PLAGL1: variants seen among roughly 807,000 people sequenced by gnomAD.
PLAGL1 encodes zinc finger protein PLAGL1.
In PLAGL1, 1 loss-of-function variant was observed where a neutral mutation model predicts 4.6. The observed-to-expected ratio is 0.22, with a 90% CI of 0.08 to 1.03. The LOEUF is 1.03. Among genes scored for constraint, PLAGL1 ranks in the 50% least tolerant of loss-of-function variants. The pLI, the probability that PLAGL1 is intolerant of heterozygous loss-of-function variation, is 0.58. For synonymous variants in PLAGL1, 240 were observed against 237.8 expected (o/e 1.01, Z -0.08); for missense variants, 464 against 570.4 (o/e 0.81, Z 1.90).
rs948352065 is a variant in PLAGL1 at position 144,036,188 on chromosome 6, A to C, written c.-151+28280T>G. On this transcript the variant is annotated intron_variant, in intron 1 of 3. Transcript: ENST00000437412. This position sits in a 1 kb window ranked among gnomAD's most constrained non-coding sequence, Gnocchi z 5.1. The stretch of plus-strand genomic sequence containing the variant: ...ACTAATGCTTAGGGGCCTGAGGAGA[A>C]GTCTTTTATGCCCAGAAATGACAAC... Among the ~76,000 whole-genome samples the C allele has an allele frequency of 5.9e-5, 9 of 152,206 alleles. No individual in the cohort carries two copies. The highest frequency in any genetic ancestry group is 2.2e-4 in the African/African-American group (9 of 41,454).
Position 143,984,042 on chromosome 6 carries a change from T to C in PLAGL1, c.-544+1093A>G, listed in dbSNP as rs1788512749. On this transcript the variant is annotated intron_variant, in intron 2 of 7. Coordinates refer to ENST00000674357, the MANE Select transcript of PLAGL1 (RefSeq NM_001317162.2). The surrounding 1 kb of genome is among the most constrained non-coding windows in gnomAD (Gnocchi z 5.5). ...ATCTTCAAGGAATAAGGAACAATGA[T>C]GTATTTTTACTTTCCAGATTTTAAA... 6.6e-6 allele frequency among the ~76,000 whole-genome samples: 1 copy of C among 152,154 alleles called. No homozygotes were observed. Among genetic ancestry groups the C allele is most frequent in the Admixed American group, 6.6e-5 (1 of 15,264 alleles).
At chr6:143,987,861 T>C (rs991096904) in intron 1 of PLAGL1, among the ~76,000 whole-genome samples, 12 of 152,196 alleles carry the variant, frequency 7.9e-5, no homozygotes, top group Non-Finnish European at 1.8e-4. Context: ...AAAATAGATG[T>C]CAACGTTCTA....
chr6:144,009,034 T>C (rs1176088437), upstream of PLAGL1, among the ~76,000 whole-genome samples: 1 of 152,190 alleles, frequency 6.6e-6, no homozygotes, highest in Non-Finnish European at 1.5e-5. Context: ...ACGTGCTTTT[T>C]AAAAGGCCTA....
Position 143,972,589 on chromosome 6 carries a change from A to T in PLAGL1, c.-543-3611T>A, listed in dbSNP as rs1785639930. On this transcript the variant is annotated intron_variant, in intron 2 of 7. Transcript: ENST00000674357. The surrounding 1 kb of genome is among the most constrained non-coding windows in gnomAD (Gnocchi z 6.8). ...AATATCCCAAGAATATAAATATTTT[A>T]AAATAAATATATTATTGTAATATTC... 6.6e-6 allele frequency among the ~76,000 whole-genome samples: 1 copy of T among 152,182 alleles called. No individual in the cohort carries two copies. The highest frequency in any genetic ancestry group is 1.5e-5 in the Non-Finnish European group (1 of 68,038).
chr6:144,018,734 T>A (rs576502296), intron 1 of PLAGL1, among the ~76,000 whole-genome samples: 1 of 152,364 alleles, frequency 6.6e-6, no homozygotes, highest in African/African-American at 2.4e-5. Flanking sequence ...AAAAAGTTAA[T>A]ATCACCAGTA....
At chr6:144,030,327 G>C (rs1414481109) in intron 1 of PLAGL1, among the ~76,000 whole-genome samples, 1 of 148,832 alleles carries the variant, frequency 6.7e-6, no homozygotes, top group African/African-American at 2.5e-5. Flanking sequence ...TCATATAATG[G>C]AATAAGGTAC....
rs959090250 is a variant in PLAGL1, at chr6:143,958,352, C to T, written c.-325+2117G>A. ...TGAACCCAAGACCAAATCGGATTACCCTAGACACAAATTTGATGGGCAGTT... is the reference window on the plus strand; with the variant it reads ...TGAACCCAAGACCAAATCGGATTACTCTAGACACAAATTTGATGGGCAGTT... On this transcript the variant is annotated intron_variant, in intron 6 of 7. Transcript: ENST00000674357. The surrounding 1 kb of genome is among the most constrained non-coding windows in gnomAD (Gnocchi z 5.1). Among the ~76,000 whole-genome samples, 2 of 152,160 alleles carry T rather than the reference C, an allele frequency of 1.3e-5. No homozygotes were observed. The highest frequency in any genetic ancestry group is 2.9e-5 in the Non-Finnish European group (2 of 68,044).
At chr6:143,977,359 C>A (rs1786827037) in intron 2 of PLAGL1, among the ~76,000 whole-genome samples, 1 of 151,018 alleles carries the variant, frequency 6.6e-6, no homozygotes, top group African/African-American at 2.4e-5. Flanking sequence ...AGTATGCAGC[C>A]TTTTGAGACT....
Position 144,004,873 on chromosome 6 carries a change from GA to G in PLAGL1, c.-584+3216del, listed in dbSNP as rs1216023131. The G allele has an allele frequency of 6.6e-6, 1 of 151,448 alleles. No homozygotes were observed. Among genetic ancestry groups the G allele is most frequent in the African/African-American group, 2.4e-5 (1 of 41,316 alleles). The allele number at this position is 151,448 out of a possible 1,614,324, so 9.4% of individuals were successfully genotyped here. On this transcript the variant is annotated intron_variant, in intron 1 of 7. Coordinates refer to ENST00000674357, the MANE Select transcript of PLAGL1 (RefSeq NM_001317162.2). The surrounding 1 kb of genome is among the most constrained non-coding windows in gnomAD (Gnocchi z 4.2). ...TAGGACAAAAATGTGTGAAAATAAAGAGATAAAAGACAAAACTTTCCTGAAT... is the reference window on the plus strand; with the variant it reads ...TAGGACAAAAATGTGTGAAAATAAAGGATAAAAGACAAAACTTTCCTGAAT...
rs1050234545 is a variant in PLAGL1, at chr6:143,983,684, A to C, written c.-544+1451T>G. Reference sequence around the variant, plus strand: ...AGTGATTTTAATGAGAGGGTAGGCTATTGACGTTGAGTAAGGGAGGATGTG... The same window carrying C: ...AGTGATTTTAATGAGAGGGTAGGCTCTTGACGTTGAGTAAGGGAGGATGTG... On this transcript the variant is annotated intron_variant, in intron 2 of 7. Transcript: ENST00000674357. The surrounding 1 kb of genome is among the most constrained non-coding windows in gnomAD (Gnocchi z 6.6). Among the ~76,000 whole-genome samples the C allele has an allele frequency of 6.6e-6, 1 of 152,118 alleles. No individual in the cohort carries two copies. The highest frequency in any genetic ancestry group is 2.4e-5 in the African/African-American group (1 of 41,430).
rs1348323079 is a variant in PLAGL1 at position 143,947,559 on chromosome 6, G to C, written c.152+426C>G. Among the ~76,000 whole-genome samples the C allele has an allele frequency of 6.6e-6, 1 of 152,164 alleles. No individual in the cohort carries two copies. The highest frequency in any genetic ancestry group is 1.5e-5 in the Non-Finnish European group (1 of 68,036). ...TGGGTGCTTTAAGGCCAAGACTTAT[G>C]GCTTTCCCAGAACCTCCTCTCTGCC... On this transcript the variant is annotated intron_variant, in intron 7 of 7. Transcript: ENST00000674357. This position sits in a 1 kb window ranked among gnomAD's most constrained non-coding sequence, Gnocchi z 4.3.
Position 144,064,302 on chromosome 6 carries a change from A to G in PLAGL1, c.-151+166T>C, listed in dbSNP as rs1207236072. ...CAGGACGCAGGCAGGAGCCTCGGCC[A>G]GGCTACCTCGCCTGGCCCGCGGACT... On this transcript the variant is annotated intron_variant, in intron 1 of 3. Transcript: ENST00000437412. The surrounding 1 kb of genome is among the most constrained non-coding windows in gnomAD (Gnocchi z 6.8). The G allele has an allele frequency of 6.6e-6, 1 of 151,798 alleles. No homozygotes were observed. The highest frequency in any genetic ancestry group is 1.5e-5 in the Non-Finnish European group (1 of 67,938). 9.4% of individuals were successfully genotyped at this position (151,798 alleles called of 1,614,324 possible). A position where few individuals can be genotyped will look rare whatever the true frequency, so the allele number is the denominator to read the frequency against.
At chr6:144,021,561 C>T (rs1027421401) in intron 1 of PLAGL1, among the ~76,000 whole-genome samples, 5 of 152,052 alleles carry the variant, frequency 3.3e-5, no homozygotes, top group Non-Finnish European at 7.4e-5. Flanking sequence ...TTCTACATGC[C>T]AAATAGTTTC....
At position 143,942,475 on chromosome 6, in the gene PLAGL1, G is replaced by C; in HGVS notation, c.341C>G (p.Ala114Gly). 5 of 1,614,034 alleles carry C rather than the reference G, an allele frequency of 3.1e-6. No homozygotes were observed. The South Asian group carries it at 5.5e-5, about 18-fold the overall frequency. The change falls in exon 8 of 8, where the codon GCG (alanine) becomes GGG (glycine). Residue 114 changes from alanine (A) to glycine (G), a missense_variant. This residue lies in a region of PLAGL1 where 161 missense variants were observed against 196.7 expected (regional missense o/e 0.82). Transcript: ENST00000674357. The surrounding 1 kb of genome is among the most constrained non-coding windows in gnomAD (Gnocchi z 7.6). Reference protein sequence around the residue: ...LGYKRHLALHAASSGDLTCGV... With the variant: ...LGYKRHLALHGASSGDLTCGV... Reference sequence around the variant, plus strand: ...ACAGGTGAGGTCCCCACTGCTGGCCGCATGGAGGGCCAGGTGCCTCTTATA... The same window carrying C: ...ACAGGTGAGGTCCCCACTGCTGGCCCCATGGAGGGCCAGGTGCCTCTTATA...
At chr6:144,018,872 G>C (rs532676660) in intron 1 of PLAGL1, among the ~76,000 whole-genome samples, 2 of 152,238 alleles carry the variant, frequency 1.3e-5, no homozygotes, top group South Asian at 2.1e-4. Flanking sequence ...CCAAAGTCGA[G>C]GGACATTAAT....
chr6:144,027,230 CGAACGAAAGAAAGAAAGAAA>C lies in PLAGL1; in HGVS notation c.-151+37218_-151+37237del, dbSNP rs1193641562. Among the ~76,000 whole-genome samples the C allele has an allele frequency of 2.2e-4, 22 of 99,170 alleles. 1 individual carries two copies. Among genetic ancestry groups the C allele is most frequent in the African/African-American group, 7.9e-4 (19 of 24,172 alleles). The allele number at this position is 99,170 out of a possible 152,430, so 65.1% of individuals were successfully genotyped here. On this transcript the variant is annotated intron_variant, in intron 1 of 3. Coordinates refer to the PLAGL1 transcript ENST00000437412. The surrounding 1 kb of genome is among the most constrained non-coding windows in gnomAD (Gnocchi z 5.8). The stretch of plus-strand genomic sequence containing the variant: ...CAGAGAAAGACCCCAACTCAAAGAA[CGAACGAAAGAAAGAAAGAAA>C]GAAAGAAAGAAAGAAAGAAAGAAAG...
At chr6:144,014,027 T>C (rs775639389) in intron 1 of PLAGL1, among the ~76,000 whole-genome samples, 3 of 151,964 alleles carry the variant, frequency 2.0e-5, no homozygotes, top group Non-Finnish European at 4.4e-5. Flanking sequence ...AAACTTTATA[T>C]GGAAATGAAA....
At chr6:144,046,818 A>C (rs975188614) in intron 1 of PLAGL1, among the ~76,000 whole-genome samples, 2 of 152,226 alleles carry the variant, frequency 1.3e-5, no homozygotes, top group Non-Finnish European at 2.9e-5. Flanking sequence ...AGAGGCAGGC[A>C]GGCAGGCCTC....
rs1401779601 is a variant in PLAGL1 at position 143,940,730 on chromosome 6, T to G, written c.*694A>C. 1 of 24,642 alleles carries G rather than the reference T, an allele frequency of 4.1e-5. No homozygotes were observed. The highest frequency in any genetic ancestry group is 4.1e-3 in the East Asian group (1 of 246). 1.5% of individuals were successfully genotyped at this position (24,642 alleles called of 1,614,324 possible). A position where few individuals can be genotyped will look rare whatever the true frequency, so the allele number is the denominator to read the frequency against. On this transcript the variant is annotated 3_prime_UTR_variant, in exon 8 of 8. Coordinates refer to ENST00000674357, the MANE Select transcript of PLAGL1 (RefSeq NM_001317162.2). ...ACCACTTAACCTGGTTACACAGTGA[T>G]TTTTTTTTTTTTTCTGTCAGATGTA...
Sources: gnomAD v4.1 joint callset for allele counts (sites outside exome capture counted in the v4.1 genomes callset) on GRCh38, gnomAD v4.1.1 for gene constraint, gnomAD v4.1.1 regional missense constraint, Gnocchi (gnomAD v3.1) non-coding constraint, MANE v1.5 for transcripts, NCBI Gene and HGNC (gene_info 2026-07-23, HGNC 2026-07-21) for gene names.